CSMD1: variants seen among roughly 807,000 people sequenced by gnomAD.
CSMD1 encodes the protein CUB and Sushi multiple domains 1.
A neutral mutation model predicts 417.5 loss-of-function variants in CSMD1; 213 were observed. The observed-to-expected ratio is 0.51, with a 90% CI of 0.46 to 0.57. The LOEUF (loss-of-function observed/expected upper bound fraction) is 0.57, where lower values mean the gene tolerates loss of function less well. Ranked by LOEUF, CSMD1 falls within the 20% of genes least tolerant of loss-of-function variation. The probability of loss-of-function intolerance (pLI) is 0.00; values close to 1 mark genes in which losing one functional copy is unlikely to be tolerated. For synonymous variants in CSMD1, 2,862 were observed against 1,736.8 expected, an observed-to-expected ratio of 1.65 and a Z score of -16.11; for missense variants, 6,923 against 4,529.7, an observed-to-expected ratio of 1.53 and a Z score of -15.17.
chr8:4,788,730 T>C (rs1250760531), intron 1 of CSMD1: 3 of 435,118 alleles, frequency 6.9e-6, no homozygotes, highest in Non-Finnish European at 8.2e-6. Flanking sequence ...TCTAGATCCA[T>C]ACTAATAAAC....
chr8:4,182,118 A>G (rs1222961099), intron 3 of CSMD1, among the ~76,000 whole-genome samples: 2 of 152,096 alleles, frequency 1.3e-5, no homozygotes, highest in African/African-American at 4.8e-5. Flanking sequence ...TAAAACTTAA[A>G]CACACCAAAA....
chr8:4,238,614 A>G (rs999475279), intron 3 of CSMD1, among the ~76,000 whole-genome samples: 6 of 152,196 alleles, frequency 3.9e-5, no homozygotes, highest in African/African-American at 1.4e-4. Flanking sequence ...TCTCACTTAA[A>G]AAACAGGAAG....
At chr8:4,255,002 C>A (rs774115579) in intron 3 of CSMD1, among the ~76,000 whole-genome samples, 12 of 152,228 alleles carry the variant, frequency 7.9e-5, no homozygotes, top group Non-Finnish European at 1.6e-4. Context: ...GAAGATCACT[C>A]AGAGTTATTT....
chr8:3,302,675 G>A (rs763801210), intron 25 of CSMD1, among the ~76,000 whole-genome samples: 1 of 152,170 alleles, frequency 6.6e-6, no homozygotes, highest in Non-Finnish European at 1.5e-5. Context: ...ACCAGCAGAT[G>A]TTGAAAGAGG....
At chr8:4,521,289 T>A (rs995626649) in intron 2 of CSMD1, among the ~76,000 whole-genome samples, 1 of 152,074 alleles carries the variant, frequency 6.6e-6, no homozygotes, top group Non-Finnish European at 1.5e-5. Flanking sequence ...GAAGAATGAA[T>A]TTTCCTTCCA....
At chr8:3,357,135 T>C (rs1389448888) in intron 21 of CSMD1, among the ~76,000 whole-genome samples, 2 of 151,714 alleles carry the variant, frequency 1.3e-5, no homozygotes, top group African/African-American at 2.4e-5. Flanking sequence ...GTGTGGGGAA[T>C]TAGAGAGAAA....
At chr8:4,207,587 A>T (rs1585023828) in intron 3 of CSMD1, among the ~76,000 whole-genome samples, 1 of 152,178 alleles carries the variant, frequency 6.6e-6, no homozygotes, top group Non-Finnish European at 1.5e-5. Context: ...CTGAAATATT[A>T]GGTTTAATAT....
chr8:4,074,973 C>T (rs1031472231), intron 3 of CSMD1, among the ~76,000 whole-genome samples: 4 of 152,040 alleles, frequency 2.6e-5, no homozygotes, highest in Non-Finnish European at 4.4e-5. Flanking sequence ...GTCTGCCTTC[C>T]CTAATGGGAT....
intron 2 of CSMD1, among the ~76,000 whole-genome samples, chr8:4,606,687 A>C (rs2617102): frequency 0.15 from 22,194 of 152,192 alleles, 1,616 homozygotes; most frequent in African/African-American, 0.17. Flanking sequence ...ACTTCTGTAC[A>C]TAATATTGTA....
chr8:3,320,585 C>T (rs187818675), intron 23 of CSMD1, among the ~76,000 whole-genome samples: 7 of 152,288 alleles, frequency 4.6e-5, no homozygotes, highest in African/African-American at 1.2e-4. Flanking sequence ...GAATTCAACA[C>T]CTTGAGCAGT....
At chr8:4,637,898 C>A (rs1299095489) in intron 1 of CSMD1, among the ~76,000 whole-genome samples, 1 of 151,430 alleles carries the variant, frequency 6.6e-6, no homozygotes, top group Non-Finnish European at 1.5e-5. Context: ...TCTCGATCTC[C>A]TGACCTCATG....
In CSMD1 at chr8:3,839,418, A is replaced by ATATATTATAATATATAATATTAATTTAT. The variant is rs1491287835; in HGVS notation, c.819-85377_819-85376insATAAATTAATATTATATATTATAATATA. Among the ~76,000 whole-genome samples, 3 of 120,668 alleles carry ATATATTATAATATATAATATTAATTTAT rather than the reference A, an allele frequency of 2.5e-5. No individual in the cohort carries two copies. The East Asian group carries it at 6.4e-4, about 26-fold the overall frequency. The allele number at this position is 120,668 out of a possible 152,430, so 79.2% of individuals were successfully genotyped here. ...TATATTTATATATAATAAAAAATAAATATATATAATAAATTAATATTATAT... is the reference window on the plus strand; with the variant it reads ...TATATTTATATATAATAAAAAATAAATATATTATAATATATAATATTAATTTATTATATATAATAAATTAATATTATAT... On this transcript the variant is annotated intron_variant, in intron 5 of 69. Coordinates refer to ENST00000635120, the MANE Select transcript of CSMD1 (RefSeq NM_033225.6).
chr8:4,266,767 A>G (rs1385227556), intron 3 of CSMD1, among the ~76,000 whole-genome samples: 2 of 105,130 alleles, frequency 1.9e-5, no homozygotes, highest in Non-Finnish European at 5.1e-5. Context: ...ATAAATCCTC[A>G]AAATAGTAGC....
chr8:2,943,759 G>T (rs1006874901), intron 68 of CSMD1, among the ~76,000 whole-genome samples: 2 of 152,180 alleles, frequency 1.3e-5, no homozygotes, highest in Non-Finnish European at 2.9e-5. Context: ...TGGCCTAATT[G>T]CATGGAGTCA....
chr8:4,612,102 ACT>A (rs1801207843), intron 2 of CSMD1, among the ~76,000 whole-genome samples: 1 of 151,950 alleles, frequency 6.6e-6, no homozygotes, highest in Non-Finnish European at 1.5e-5. Flanking sequence ...GGAGGCACAG[ACT>A]CTTTTCATGA....
At position 2,957,554 on chromosome 8, in the gene CSMD1, G is replaced by C. The variant is rs144326536; in HGVS notation, c.9814+142C>G. 68 of 606,870 alleles carry C rather than the reference G, an allele frequency of 1.1e-4. No individual in the cohort carries two copies. The African/African-American group carries it at 1.1e-3, about 10-fold the overall frequency. The allele number at this position is 606,870 out of a possible 1,614,324, so 37.6% of individuals were successfully genotyped here. A position where few individuals can be genotyped will look rare whatever the true frequency, so the allele number is the denominator to read the frequency against. ...CAATGGTTATGCTGCCAGTTCTAGG[G>C]AACCAAACTTTGAGGACATCCGAAA... is the stretch of plus-strand genomic sequence containing the variant. On this transcript the variant is annotated intron_variant, in intron 63 of 69. Transcript: ENST00000635120.
At chr8:3,546,718 C>T (rs1281546872) in intron 10 of CSMD1, among the ~76,000 whole-genome samples, 2 of 152,048 alleles carry the variant, frequency 1.3e-5, no homozygotes, top group African/African-American at 4.8e-5. Flanking sequence ...GTAGGAATTA[C>T]TGAAGATAAA....
In CSMD1 at chr8:3,798,098, G is replaced by GT. The variant is rs542370299; in HGVS notation, c.819-44057dup. ...ATTGTGATGATTGAAGTCTTAGTGG[G>GT]TTTTTTATTATTTATTTAGAGGAAT... On this transcript the variant is annotated intron_variant, in intron 5 of 69. Coordinates refer to ENST00000635120, the MANE Select transcript of CSMD1 (RefSeq NM_033225.6). 1.5e-4 allele frequency among the ~76,000 whole-genome samples: 23 copies of GT among 151,854 alleles called. No individual in the cohort carries two copies. The East Asian group carries it at 2.9e-3, about 19-fold the overall frequency.
At chr8:3,316,535 G>GGAA in intron 23 of CSMD1, among the ~76,000 whole-genome samples, 1 of 151,888 alleles carries the variant, frequency 6.6e-6, no homozygotes, top group Non-Finnish European at 1.5e-5. Context: ...GAGCCTTGCG[G>GGAA]GAGAGGGTTT....
Sources: gnomAD v4.1 joint callset for allele counts (sites outside exome capture counted in the v4.1 genomes callset) on GRCh38, gnomAD v4.1.1 for gene constraint, MANE v1.5 for transcripts, NCBI Gene and HGNC (gene_info 2026-07-23, HGNC 2026-07-21) for gene names.